The following ZNF385C variants were observed in gnomAD, a reference collection of about 807,000 sequenced individuals.
ZNF385C encodes CTD-2132N18.2.
In ZNF385C, 28 loss-of-function variants were observed where a neutral mutation model predicts 35.4. The observed-to-expected ratio is 0.79, with a 90% CI of 0.59 to 1.08. The LOEUF is 1.08. ZNF385C is among the 50% of genes least tolerant of loss of function. The pLI is 0.00. For synonymous variants in ZNF385C, 248 were observed against 248.2 expected (o/e 1.00, Z 0.01); for missense variants, 605 against 595.6 (o/e 1.02, Z -0.16).
In ZNF385C at chr17:42,073,145, T is replaced by C. The variant is rs188281318; in HGVS notation, c.-2-10087A>G. The stretch of plus-strand genomic sequence containing the variant: ...ATTTTACAGACCAGGAAAAGAAAGA[T>C]TGGGGACTTAGGTAGGCACGGTGGC... On this transcript the variant is annotated intron_variant, in intron 1 of 8. Coordinates refer to ENST00000692273, the MANE Select transcript of ZNF385C (RefSeq NM_001392013.1). 1.3e-4 allele frequency among the ~76,000 whole-genome samples: 20 copies of C among 152,066 alleles called. No individual in the cohort carries two copies. In the East Asian group the frequency reaches 2.3e-3, roughly 18 times the overall value.
chr17:42,069,364 A>T (rs2053592343), intron 1 of ZNF385C, among the ~76,000 whole-genome samples: 1 of 152,110 alleles, frequency 6.6e-6, no homozygotes, highest in Non-Finnish European at 1.5e-5. Context: ...CTGGGTTTCC[A>T]TGGGGTCCTT....
chr17:42,072,986 T>C (rs1315157429), intron 1 of ZNF385C, among the ~76,000 whole-genome samples: 1 of 152,110 alleles, frequency 6.6e-6, no homozygotes, highest in Non-Finnish European at 1.5e-5. Context: ...CCGCTACCTC[T>C]GGCAAGCAGG....
At chr17:42,042,904 T>C (rs1257076699) in intron 2 of ZNF385C, 29 of 1,232,296 alleles carry the variant, frequency 2.4e-5, no homozygotes, top group Non-Finnish European at 2.9e-5. Flanking sequence ...CTGGCACAGG[T>C]TGAACCTCTG....
At chr17:42,044,121 C>T (rs1441407898) in intron 2 of ZNF385C, among the ~76,000 whole-genome samples, 6 of 109,956 alleles carry the variant, frequency 5.5e-5, no homozygotes, top group South Asian at 5.9e-4. Context: ...GCCTGGGCAA[C>T]ATGGCAAAAC....
chr17:42,039,986 G>T, intron 2 of ZNF385C: 1 of 1,231,072 alleles, frequency 8.1e-7, no homozygotes, highest in East Asian at 3.2e-5. Context: ...GCGCACGCCA[G>T]CTGGGTGCAC....
chr17:42,038,109 G>C, intron 2 of ZNF385C: 1 of 1,525,584 alleles, frequency 6.6e-7, no homozygotes, highest in Non-Finnish European at 8.8e-7. Context: ...GAGGCTCCCA[G>C]CCCAGAGGGA....
chr17:42,072,930 T>C (rs1567994513), intron 1 of ZNF385C, among the ~76,000 whole-genome samples: 1 of 151,806 alleles, frequency 6.6e-6, no homozygotes, highest in East Asian at 1.9e-4. Context: ...GACCCCAAAC[T>C]GGCTGCCTTC....
intron 2 of ZNF385C, chr17:42,061,286 T>G (rs1245909166): frequency 4.4e-5 from 6 of 135,636 alleles, no homozygotes; most frequent in African/African-American, 8.2e-5. Context: ...AGTGGCACAA[T>G]CTCGGCTCAC....
chr17:42,030,664 A>C (rs1035476276), intron 5 of ZNF385C, among the ~76,000 whole-genome samples: 18 of 152,316 alleles, frequency 1.2e-4, no homozygotes, highest in African/African-American at 3.6e-4. Context: ...CCCAAAATTC[A>C]CATCTATCTG....
intron 2 of ZNF385C, chr17:42,040,263 G>C: frequency 8.1e-7 from 1 of 1,231,644 alleles, no homozygotes; most frequent in Non-Finnish European, 1.0e-6. Context: ...AGGATCCCCG[G>C]AGCCACTCCA....
Position 42,068,381 on chromosome 17 carries a change from T to A in ZNF385C, c.-2-5323A>T, listed in dbSNP as rs374890604. Among the ~76,000 whole-genome samples the A allele has an allele frequency of 2.6e-5, 4 of 152,310 alleles. No individual in the cohort carries two copies. The East Asian group carries it at 7.7e-4, about 29-fold the overall frequency. On this transcript the variant is annotated intron_variant, in intron 1 of 8. Coordinates refer to ENST00000692273, the MANE Select transcript of ZNF385C (RefSeq NM_001392013.1). The stretch of plus-strand genomic sequence containing the variant: ...TGCTTCAAAGCAAATGGAAAGACGA[T>A]GCATGAGCTGATTATAGAGGCTTCC...
At chr17:42,036,604 A>G (rs1555655501) in intron 3 of ZNF385C, among the ~76,000 whole-genome samples, 6 of 152,178 alleles carry the variant, frequency 3.9e-5, no homozygotes, top group Non-Finnish European at 8.8e-5. Context: ...GCTTAGAGAG[A>G]AGAACATGGG....
intron 2 of ZNF385C, among the ~76,000 whole-genome samples, chr17:42,057,156 CAG>C (rs1235635901): frequency 6.6e-6 from 1 of 151,982 alleles, no homozygotes; most frequent in Non-Finnish European, 1.5e-5. Context: ...CAAAACAAAA[CAG>C]AGTCAGAAAC....
intron 1 of ZNF385C, among the ~76,000 whole-genome samples, chr17:42,068,299 TC>T (rs2053576754): frequency 6.6e-6 from 1 of 152,148 alleles, no homozygotes; most frequent in South Asian, 2.1e-4. Flanking sequence ...CAGGACCTAG[TC>T]CACATGCTGC....
At chr17:42,073,325 T>C (rs2053650916) in intron 1 of ZNF385C, among the ~76,000 whole-genome samples, 1 of 151,862 alleles carries the variant, frequency 6.6e-6, no homozygotes, top group Non-Finnish European at 1.5e-5. Flanking sequence ...TCCCAGCTAC[T>C]CAGGAGGCTA....
chr17:42,080,795 C>T (rs1182680858), intron 1 of ZNF385C, among the ~76,000 whole-genome samples: 3 of 152,188 alleles, frequency 2.0e-5, no homozygotes, highest in Non-Finnish European at 4.4e-5. Context: ...TGTCCTGTGC[C>T]CCCCAGGCCC....
intron 8 of ZNF385C, 51 bp downstream of exon 8, chr17:42,027,567 A>ACCCCCCCCC: frequency 5.0e-6 from 1 of 198,088 alleles, no homozygotes; most frequent in Non-Finnish European, 9.3e-6. Flanking sequence ...CTCCCAGCCC[A>ACCCCCCCCC]CCCTCTCCCC....
At chr17:42,027,931 G>A (rs546678227) in intron 7 of ZNF385C, 119 bp downstream of exon 7, 83 of 1,365,994 alleles carry the variant, frequency 6.1e-5, no homozygotes, top group East Asian at 5.0e-4. Context: ...TGCTGGCCTC[G>A]CTTCTCCAGC....
At position 42,051,295 on chromosome 17, in the gene ZNF385C, G is replaced by A. The variant is rs540217984; in HGVS notation, c.250+11512C>T. 2.0e-5 allele frequency among the ~76,000 whole-genome samples: 3 copies of A among 152,196 alleles called. No homozygotes were observed. In the South Asian group the frequency reaches 6.2e-4, roughly 32 times the overall value. ...AGTTATTTGCAGTGGGGTTGACAGA[G>A]TGGGGAAGAGGGAGGGAGGTTGGCG... On this transcript the variant is annotated intron_variant, in intron 2 of 8. Coordinates refer to ENST00000692273, the MANE Select transcript of ZNF385C (RefSeq NM_001392013.1).
Sources: gnomAD v4.1 joint callset for allele counts (sites outside exome capture counted in the v4.1 genomes callset) on GRCh38, gnomAD v4.1.1 for gene constraint, MANE v1.5 for transcripts, NCBI Gene and HGNC (gene_info 2026-07-23, HGNC 2026-07-21) for gene names.